The following HIBADH variants were observed in gnomAD, a reference collection of about 807,000 sequenced individuals.
The protein encoded by HIBADH is 3-hydroxyisobutyrate dehydrogenase.
In HIBADH, 25 loss-of-function variants were observed where a neutral mutation model predicts 36.1. That is an observed-to-expected ratio of 0.69 (90% CI 0.50 to 0.97). The LOEUF is 0.97. Ranked by LOEUF, HIBADH falls within the 50% of genes least tolerant of loss-of-function variation. The pLI is 0.00. For synonymous variants in HIBADH, 160 were observed against 149.5 expected (o/e 1.07, Z -0.51); for missense variants, 421 against 418.0 (o/e 1.01, Z -0.06).
chr7:27,554,525 C>T (rs980641975), intron 4 of HIBADH, among the ~76,000 whole-genome samples: 12 of 152,180 alleles, frequency 7.9e-5, no homozygotes, highest in Non-Finnish European at 1.8e-4. Context: ...CCACACCCTT[C>T]TGGGTATCCT....
intron 4 of HIBADH, among the ~76,000 whole-genome samples, chr7:27,583,946 T>C (rs1472021003): frequency 6.6e-6 from 1 of 152,032 alleles, no homozygotes; most frequent in African/African-American, 2.4e-5. Context: ...GTAGCACTGC[T>C]TGACAATTTT....
At chr7:27,596,197 C>G (rs954907208) in intron 4 of HIBADH, among the ~76,000 whole-genome samples, 2 of 152,298 alleles carry the variant, frequency 1.3e-5, no homozygotes, top group African/African-American at 4.8e-5. Flanking sequence ...ACCTTGAATG[C>G]TGTGTCCTCT....
At chr7:27,557,057 T>C (rs1169708167) in intron 4 of HIBADH, among the ~76,000 whole-genome samples, 3 of 152,022 alleles carry the variant, frequency 2.0e-5, no homozygotes, top group South Asian at 2.1e-4. Context: ...GGAGGATCAC[T>C]TGAGCCTAGG....
intron 5 of HIBADH, among the ~76,000 whole-genome samples, chr7:27,539,366 A>G (rs1430971627): frequency 1.3e-5 from 2 of 152,148 alleles, no homozygotes; most frequent in Non-Finnish European, 2.9e-5. Context: ...CTGACTGGAC[A>G]AGAGTATGGA....
intron 4 of HIBADH, among the ~76,000 whole-genome samples, chr7:27,580,180 T>C (rs1784768544): frequency 6.6e-6 from 1 of 152,208 alleles, no homozygotes; most frequent in African/African-American, 2.4e-5. Context: ...ATTGAGACTA[T>C]ACTAGGCATT....
chr7:27,649,016 A>G (rs1306070095), intron 2 of HIBADH, among the ~76,000 whole-genome samples: 1 of 152,236 alleles, frequency 6.6e-6, no homozygotes, highest in East Asian at 1.9e-4. Flanking sequence ...AGAATGAGGA[A>G]ATCAGCAGAA....
chr7:27,661,220 CCT>C (rs1180578903), intron 1 of HIBADH, among the ~76,000 whole-genome samples: 1 of 152,128 alleles, frequency 6.6e-6, no homozygotes, highest in African/African-American at 2.4e-5. Flanking sequence ...TCTCACCGAG[CCT>C]CTGTTCTTCT....
At chr7:27,572,954 C>T (rs1418425372) in intron 4 of HIBADH, among the ~76,000 whole-genome samples, 9 of 151,904 alleles carry the variant, frequency 5.9e-5, no homozygotes, top group African/African-American at 2.2e-4. Flanking sequence ...CATAAAACTA[C>T]AACAGAAGAG....
intron 4 of HIBADH, among the ~76,000 whole-genome samples, chr7:27,570,962 T>C (rs1258771626): frequency 3.3e-5 from 5 of 152,164 alleles, no homozygotes; most frequent in Non-Finnish European, 7.4e-5. Flanking sequence ...CTCTTCCCAT[T>C]CTATCTAGAA....
chr7:27,556,127 G>A (rs1784385542), intron 4 of HIBADH, among the ~76,000 whole-genome samples: 1 of 112,702 alleles, frequency 8.9e-6, no homozygotes, highest in Non-Finnish European at 1.8e-5. Flanking sequence ...CTAAGACTCA[G>A]TTTTCTCACT....
chr7:27,603,976 C>T (rs1396649779), intron 4 of HIBADH, among the ~76,000 whole-genome samples: 1 of 152,108 alleles, frequency 6.6e-6, no homozygotes, highest in East Asian at 1.9e-4. Flanking sequence ...AACACACATA[C>T]ATAAAATAGA....
At chr7:27,550,944 C>A (rs571493712) in intron 4 of HIBADH, among the ~76,000 whole-genome samples, 1 of 152,250 alleles carries the variant, frequency 6.6e-6, no homozygotes, top group South Asian at 2.1e-4. Flanking sequence ...TTATTGTAAT[C>A]TTGAAAATTA....
At chr7:27,651,860 T>C (rs140881393) in intron 1 of HIBADH, among the ~76,000 whole-genome samples, 2 of 152,042 alleles carry the variant, frequency 1.3e-5, no homozygotes, top group Non-Finnish European at 2.9e-5. Context: ...ACAATGCTGA[T>C]GAAAAATGAG....
intron 7 of HIBADH, among the ~76,000 whole-genome samples, chr7:27,526,890 G>A (rs1027422312): frequency 2.0e-5 from 3 of 152,034 alleles, no homozygotes; most frequent in Non-Finnish European, 4.4e-5. Flanking sequence ...AAATAAGCAT[G>A]GTATAATTGG....
chr7:27,567,978 T>C (rs1443526577), intron 4 of HIBADH, among the ~76,000 whole-genome samples: 2 of 152,192 alleles, frequency 1.3e-5, no homozygotes, highest in Admixed American at 6.5e-5. Context: ...CACATTCAAC[T>C]TACAATATTT....
At chr7:27,586,282 T>C (rs1784860710) in intron 4 of HIBADH, among the ~76,000 whole-genome samples, 2 of 151,644 alleles carry the variant, frequency 1.3e-5, no homozygotes, top group Non-Finnish European at 2.9e-5. Flanking sequence ...GGTTTCAAGG[T>C]TTTAAGAATA....
chr7:27,548,445 T>C (rs1295839898), intron 4 of HIBADH, among the ~76,000 whole-genome samples: 1 of 151,864 alleles, frequency 6.6e-6, no homozygotes, highest in African/African-American at 2.4e-5. Context: ...AAAATACATA[T>C]AGCTAATAAA....
intron 4 of HIBADH, among the ~76,000 whole-genome samples, chr7:27,623,969 T>C (rs1583604432): frequency 1.3e-5 from 2 of 152,200 alleles, no homozygotes; most frequent in Admixed American, 6.5e-5. Context: ...AGCCAAATTT[T>C]TGTATTTTTA....
intron 2 of HIBADH, among the ~76,000 whole-genome samples, chr7:27,637,761 C>G (rs1224367800): frequency 6.6e-6 from 1 of 152,004 alleles, no homozygotes; most frequent in Non-Finnish European, 1.5e-5. Flanking sequence ...AAAATCAATG[C>G]GCAAAAATAA....
Sources: gnomAD v4.1 joint callset for allele counts (sites outside exome capture counted in the v4.1 genomes callset) on GRCh38, gnomAD v4.1.1 for gene constraint, MANE v1.5 for transcripts, NCBI Gene and HGNC (gene_info 2026-07-23, HGNC 2026-07-21) for gene names.